NIPAL2: variants seen among roughly 807,000 people sequenced by gnomAD.
NIPAL2 encodes the protein NIPA like domain containing 2.
Under a neutral mutation model 48.9 loss-of-function variants are expected in NIPAL2, and 43 were observed. The observed-to-expected ratio is 0.88, with a 90% CI of 0.69 to 1.13. The LOEUF (loss-of-function observed/expected upper bound fraction) is 1.13. Among genes scored for constraint, NIPAL2 ranks in the 50% most tolerant of loss-of-function variants. NIPAL2 has a pLI of 0.00. For missense variants in NIPAL2, 446 were observed against 461.4 expected (o/e 0.97, Z 0.31); for synonymous variants, 167 against 174.6 (o/e 0.96, Z 0.34).
chr8:98,193,204 C>T (rs1245917738), intron 10 of NIPAL2, 114 bp from the exon 11 acceptor site: 2 of 1,047,716 alleles, frequency 1.9e-6, no homozygotes, highest in East Asian at 2.4e-5. Context: ...ACTATGTGGG[C>T]ACTCTCTAAA....
intron 4 of NIPAL2, among the ~76,000 whole-genome samples, chr8:98,230,226 A>G (rs970099106): frequency 2.0e-5 from 3 of 152,122 alleles, no homozygotes; most frequent in Non-Finnish European, 4.4e-5. Flanking sequence ...ACAGAGCACA[A>G]CCTGAGGCCA....
chr8:98,242,248 T>G (rs1202615435), intron 3 of NIPAL2, among the ~76,000 whole-genome samples: 1 of 149,916 alleles, frequency 6.7e-6, no homozygotes, highest in African/African-American at 2.5e-5. Context: ...GGCGCAACCA[T>G]GGCTCGCTGC....
intron 3 of NIPAL2, 170 bp downstream of exon 3, chr8:98,252,293 C>T: frequency 1.6e-6 from 1 of 624,822 alleles, no homozygotes; most frequent in Non-Finnish European, 2.5e-6. Context: ...GTTAATGTGA[C>T]AGCATGACAA....
chr8:98,261,702 C>A (rs926139233), intron 1 of NIPAL2, among the ~76,000 whole-genome samples: 1 of 146,168 alleles, frequency 6.8e-6, no homozygotes, highest in African/African-American at 2.6e-5. Context: ...GGAAAACACT[C>A]TGCAGGATAT....
chr8:98,258,862 C>A (rs1242954300), intron 1 of NIPAL2, among the ~76,000 whole-genome samples: 2 of 151,744 alleles, frequency 1.3e-5, no homozygotes, highest in Non-Finnish European at 2.9e-5. Flanking sequence ...GGGGGCTGCC[C>A]GACTCCTGAA....
At chr8:98,229,866 C>T (rs182047223) in intron 4 of NIPAL2, among the ~76,000 whole-genome samples, 15 of 152,130 alleles carry the variant, frequency 9.9e-5, no homozygotes, top group African/African-American at 3.4e-4. Flanking sequence ...ATCCTCACAA[C>T]AAATCTGTGA....
At chr8:98,197,521 G>T (rs544272891) in intron 8 of NIPAL2, among the ~76,000 whole-genome samples, 1 of 152,320 alleles carries the variant, frequency 6.6e-6, no homozygotes, top group East Asian at 1.9e-4. Context: ...TTTCATGAAA[G>T]ATTTCTTTGT....
At position 98,193,588 on chromosome 8, in the gene NIPAL2, G is replaced by A. The variant is rs1000531695; in HGVS notation, c.1040-498C>T. On this transcript the variant is annotated intron_variant, in intron 10 of 10. Transcript: ENST00000430223. ...CATCCCAGCACATTGGGAGGCCGAGGCAGGCGAATCATTTGAGGTCAGGAA... is the reference window on the plus strand; with the variant it reads ...CATCCCAGCACATTGGGAGGCCGAGACAGGCGAATCATTTGAGGTCAGGAA... 2.0e-5 allele frequency among the ~76,000 whole-genome samples: 3 copies of A among 152,142 alleles called. No homozygotes were observed. In the East Asian group the frequency reaches 5.8e-4, roughly 29 times the overall value.
intron 4 of NIPAL2, among the ~76,000 whole-genome samples, chr8:98,224,531 A>G (rs1279791953): frequency 1.3e-5 from 2 of 151,764 alleles, no homozygotes; most frequent in Non-Finnish European, 2.9e-5. Flanking sequence ...TCCCTGTTTC[A>G]CATCCTGACA....
intron 3 of NIPAL2, among the ~76,000 whole-genome samples, chr8:98,238,677 G>T (rs1357040160): frequency 1.3e-5 from 2 of 150,608 alleles, no homozygotes; most frequent in Non-Finnish European, 2.9e-5. Flanking sequence ...AACTTTTCCC[G>T]GGCAGGTTAC....
intron 5 of NIPAL2, among the ~76,000 whole-genome samples, chr8:98,220,911 A>C (rs775860911): frequency 6.6e-6 from 1 of 151,450 alleles, no homozygotes; most frequent in Non-Finnish European, 1.5e-5. Context: ...CCACTGCATC[A>C]AACAAGATAA....
intron 3 of NIPAL2, among the ~76,000 whole-genome samples, chr8:98,238,459 A>G (rs1460429835): frequency 1.3e-5 from 2 of 152,206 alleles, no homozygotes; most frequent in Non-Finnish European, 2.9e-5. Flanking sequence ...TCATAGACAT[A>G]ATTTTAATGT....
chr8:98,230,053 C>T (rs1812361877), intron 4 of NIPAL2, among the ~76,000 whole-genome samples: 1 of 152,214 alleles, frequency 6.6e-6, no homozygotes, highest in East Asian at 1.9e-4. Flanking sequence ...TGGGATTTTC[C>T]AGCTAAGAAG....
chr8:98,225,706 G>A (rs1290946077), intron 4 of NIPAL2, among the ~76,000 whole-genome samples: 2 of 152,016 alleles, frequency 1.3e-5, no homozygotes, highest in East Asian at 3.9e-4. Flanking sequence ...TCGGTGTTCT[G>A]TACATGAACC....
intron 8 of NIPAL2, among the ~76,000 whole-genome samples, chr8:98,202,047 T>C (rs1281506572): frequency 2.0e-5 from 3 of 152,296 alleles, no homozygotes; most frequent in East Asian, 1.9e-4. Context: ...AATATAGAAA[T>C]GGTATACTCA....
intron 1 of NIPAL2, among the ~76,000 whole-genome samples, chr8:98,254,770 T>C (rs1347237107): frequency 2.0e-5 from 3 of 152,248 alleles, no homozygotes; most frequent in Non-Finnish European, 4.4e-5. Context: ...ACTTTTAATG[T>C]GCTTCCTCTA....
At chr8:98,237,680 C>G (rs1219985168) in intron 3 of NIPAL2, among the ~76,000 whole-genome samples, 1 of 152,162 alleles carries the variant, frequency 6.6e-6, no homozygotes, top group Admixed American at 6.5e-5. Flanking sequence ...CCCACCTTTA[C>G]TGAAGTAATT....
intron 7 of NIPAL2, 102 bp downstream of exon 7, chr8:98,205,009 A>T (rs1810961942): frequency 6.4e-6 from 8 of 1,257,968 alleles, no homozygotes; most frequent in Non-Finnish European, 8.0e-6. Context: ...CTTAGAAATC[A>T]GTTGTATCTC....
At chr8:98,228,539 T>C (rs1023380491) in intron 4 of NIPAL2, among the ~76,000 whole-genome samples, 1 of 152,172 alleles carries the variant, frequency 6.6e-6, no homozygotes, top group African/African-American at 2.4e-5. Context: ...TAGGTACAAA[T>C]TAAGTCATCA....
Sources: gnomAD v4.1 joint callset for allele counts (sites outside exome capture counted in the v4.1 genomes callset) on GRCh38, gnomAD v4.1.1 for gene constraint, MANE v1.5 for transcripts, NCBI Gene and HGNC (gene_info 2026-07-23, HGNC 2026-07-21) for gene names.